The following LDLRAP1 variants were observed in gnomAD, a reference collection of about 807,000 sequenced individuals.
The protein encoded by LDLRAP1 is low density lipoprotein receptor adapter protein 1.
Under a neutral mutation model 37.8 loss-of-function variants are expected in LDLRAP1, and 30 were observed. The observed-to-expected ratio is 0.79, with a 90% CI of 0.59 to 1.08. LDLRAP1 has a LOEUF of 1.08. Ranked by LOEUF, LDLRAP1 falls within the 50% of genes least tolerant of loss-of-function variation. LDLRAP1 has a pLI of 0.00. For synonymous variants in LDLRAP1, 156 were observed against 169.8 expected (o/e 0.92, Z 0.63); for missense variants, 375 against 401.6 (o/e 0.93, Z 0.57).
intron 8 of LDLRAP1, among the ~76,000 whole-genome samples, chr1:25,565,881 C>T (rs2044466116): frequency 6.6e-6 from 1 of 152,130 alleles, no homozygotes; most frequent in Admixed American, 6.5e-5. Context: ...ACATCAGGGG[C>T]TTTGTTTGGG....
intron 1 of LDLRAP1, among the ~76,000 whole-genome samples, chr1:25,547,674 C>T (rs937272165): frequency 1.1e-4 from 17 of 152,096 alleles, no homozygotes; most frequent in African/African-American, 4.1e-4. Flanking sequence ...GGGAGATCTT[C>T]ATTCCCCAGT....
At chr1:25,563,490 A>T in intron 6 of LDLRAP1, 171 bp from the exon 7 acceptor site, 1 of 846,910 alleles carries the variant, frequency 1.2e-6, no homozygotes, top group Non-Finnish European at 1.9e-6. Flanking sequence ...TCAGGTTCTC[A>T]CTCTGTGGGC....
At chr1:25,548,844 C>T (rs1451332516) in intron 1 of LDLRAP1, among the ~76,000 whole-genome samples, 2 of 152,080 alleles carry the variant, frequency 1.3e-5, no homozygotes, top group Middle Eastern at 3.2e-3. Flanking sequence ...TTTGTAGAGA[C>T]GAGGTCTTAC....
chr1:25,548,912 T>A (rs2044004843), intron 1 of LDLRAP1, among the ~76,000 whole-genome samples: 1 of 152,070 alleles, frequency 6.6e-6, no homozygotes, highest in African/African-American at 2.4e-5. Flanking sequence ...CTTCTCAGCC[T>A]CCTAGCACAC....
chr1:25,552,931 A>G (rs186882483), intron 1 of LDLRAP1, among the ~76,000 whole-genome samples: 94 of 152,308 alleles, frequency 6.2e-4, no homozygotes, highest in Admixed American at 1.7e-3. Context: ...AGAGGGGGGA[A>G]TGTTAGTCCC....
At chr1:25,573,603 TG>T (rs1215525745), downstream of LDLRAP1, among the ~76,000 whole-genome samples, 2 of 152,092 alleles carry the variant, frequency 1.3e-5, no homozygotes, top group East Asian at 1.9e-4. Flanking sequence ...CCAACACTGT[TG>T]GGGGGCAGGG....
At position 25,544,395 on chromosome 1, in the gene LDLRAP1, C is replaced by G. The variant is rs1003297419; in HGVS notation, c.88+609C>G. Among the ~76,000 whole-genome samples, 6 of 152,176 alleles carry G rather than the reference C, an allele frequency of 3.9e-5. No homozygotes were observed. Among genetic ancestry groups the G allele is most frequent in the Non-Finnish European group, 8.8e-5 (6 of 68,010 alleles). On this transcript the variant is annotated intron_variant, in intron 1 of 8. Coordinates refer to ENST00000374338, the MANE Select transcript of LDLRAP1 (RefSeq NM_015627.3). This position sits in a 1 kb window ranked among gnomAD's most constrained non-coding sequence, Gnocchi z 4.8. ...CCGCCTGGGGTGCCTCGGGAGAGCCCCACATCAGGCGATCTAGACCCTTAC... is the reference window on the plus strand; with the variant it reads ...CCGCCTGGGGTGCCTCGGGAGAGCCGCACATCAGGCGATCTAGACCCTTAC...
At position 25,544,991 on chromosome 1, in the gene LDLRAP1, C is replaced by T. The variant is rs1360736861; in HGVS notation, c.88+1205C>T. ...CCCCACTCTGTTGTTCAGCTGTGGC[C>T]GCCTCCCAGCTGAGACTGGCATTGG... On this transcript the variant is annotated intron_variant, in intron 1 of 8. Coordinates refer to ENST00000374338, the MANE Select transcript of LDLRAP1 (RefSeq NM_015627.3). The surrounding 1 kb of genome is among the most constrained non-coding windows in gnomAD (Gnocchi z 4.8). 6.6e-6 allele frequency among the ~76,000 whole-genome samples: 1 copy of T among 152,316 alleles called. No homozygotes were observed. Among genetic ancestry groups the T allele is most frequent in the South Asian group, 2.1e-4 (1 of 4,832 alleles).
At chr1:25,560,093 T>C (rs1572046237) in intron 4 of LDLRAP1, among the ~76,000 whole-genome samples, 1 of 150,952 alleles carries the variant, frequency 6.6e-6, no homozygotes, top group East Asian at 1.9e-4. Flanking sequence ...GGGTGGGGAG[T>C]GCACACCAGC....
At chr1:25,585,693 C>T in the LDLRAP1 span, among the ~76,000 whole-genome samples, 1 of 152,180 alleles carries the variant, frequency 6.6e-6, no homozygotes, top group Non-Finnish European at 1.5e-5. Flanking sequence ...CTCCTGTGCT[C>T]CGACATCCCA....
At chr1:25,572,408 C>T (rs968833692), downstream of LDLRAP1, among the ~76,000 whole-genome samples, 4 of 152,178 alleles carry the variant, frequency 2.6e-5, no homozygotes, top group Non-Finnish European at 5.9e-5. Context: ...TCTGGGTCTC[C>T]GTCACACACA....
chr1:25,582,255 A>G, the LDLRAP1 span, among the ~76,000 whole-genome samples: 1 of 152,220 alleles, frequency 6.6e-6, no homozygotes, highest in Non-Finnish European at 1.5e-5. Flanking sequence ...GTTCTAAGAT[A>G]CTTCCCCCGC....
the LDLRAP1 span, among the ~76,000 whole-genome samples, chr1:25,587,409 C>T: frequency 6.6e-6 from 1 of 152,210 alleles, no homozygotes; most frequent in African/African-American, 2.4e-5. Flanking sequence ...TCTGCCTCAG[C>T]CTCCCAAAGT....
At chr1:25,566,737 T>C in intron 8 of LDLRAP1, 111 bp from the exon 9 acceptor site, 1 of 1,356,930 alleles carries the variant, frequency 7.4e-7, no homozygotes, top group Non-Finnish European at 1.0e-6. Context: ...ACCGGGGGCT[T>C]CCTTCTTGGG....
chr1:25,553,106 G>A (rs1415554367), intron 1 of LDLRAP1, among the ~76,000 whole-genome samples: 1 of 152,034 alleles, frequency 6.6e-6, no homozygotes, highest in African/African-American at 2.4e-5. Flanking sequence ...ACATGCCCCT[G>A]TTGGTCTCTA....
chr1:25,558,419 A>C (rs2044261940), intron 4 of LDLRAP1, among the ~76,000 whole-genome samples: 1 of 152,230 alleles, frequency 6.6e-6, no homozygotes, highest in South Asian at 2.1e-4. Flanking sequence ...AATGATCGCA[A>C]ATTTAGTGGC....
chr1:25,549,728 C>T (rs1391801424), intron 1 of LDLRAP1, among the ~76,000 whole-genome samples: 3 of 150,428 alleles, frequency 2.0e-5, no homozygotes, highest in East Asian at 1.9e-4. Flanking sequence ...ATAAGGCCTC[C>T]GGCTGTGGCT....
Position 25,543,684 on chromosome 1 carries a change from C to T in LDLRAP1, c.-15C>T. On this transcript the variant is annotated 5_prime_UTR_variant, in exon 1 of 9. Transcript: ENST00000374338. The stretch of plus-strand genomic sequence containing the variant: ...GTTTTGGCTGCGGCAGCGGCGGCGG[C>T]GGCCGGAGCGGGCCATGGACGCGCT... 8.2e-7 allele frequency: 1 copy of T among 1,213,146 alleles called. No individual in the cohort carries two copies. Among genetic ancestry groups the T allele is most frequent in the Non-Finnish European group, 1.0e-6 (1 of 976,090 alleles). 75.1% of individuals were successfully genotyped at this position (1,213,146 alleles called of 1,614,324 possible).
the LDLRAP1 span, among the ~76,000 whole-genome samples, chr1:25,579,865 T>G: frequency 2.0e-5 from 3 of 152,192 alleles, no homozygotes; most frequent in African/African-American, 7.2e-5. Context: ...GATTTTCCCT[T>G]CCTTCAGCTC....
Sources: gnomAD v4.1 joint callset for allele counts (sites outside exome capture counted in the v4.1 genomes callset) on GRCh38, gnomAD v4.1.1 for gene constraint, Gnocchi (gnomAD v3.1) non-coding constraint, MANE v1.5 for transcripts, NCBI Gene and HGNC (gene_info 2026-07-23, HGNC 2026-07-21) for gene names.